The following OVCH1 variants were observed in gnomAD, a reference collection of about 807,000 sequenced individuals.
OVCH1 encodes the protein ovochymase-1.
A neutral mutation model predicts 138.4 loss-of-function variants in OVCH1; 139 were observed. The ratio of observed to expected loss-of-function variants is 1.00; its 90% CI spans 0.87 to 1.16. The LOEUF (loss-of-function observed/expected upper bound fraction) is 1.16, where lower values mean the gene tolerates loss of function less well. Among genes scored for constraint, OVCH1 ranks in the 50% most tolerant of loss-of-function variants. The pLI is 0.00. For synonymous variants in OVCH1, 453 were observed against 467.8 expected, an observed-to-expected ratio of 0.97 and a Z score of 0.41; for missense variants, 1,367 against 1,357.9, an observed-to-expected ratio of 1.01 and a Z score of -0.11.
chr12:29,491,107 C>T lies in OVCH1; in HGVS notation c.540G>A (p.Lys180=). 3 of 1,613,514 alleles carry T rather than the reference C, an allele frequency of 1.9e-6. No individual in the cohort carries two copies. In the East Asian group the frequency reaches 6.7e-5, roughly 36 times the overall value. Residue 180 remains lysine, a synonymous_variant, in exon 5 of 28, where the codon AAG becomes AAA. Coordinates refer to ENST00000318184, the Ensembl canonical transcript of OVCH1. ...TTTGGTGTCTCTTACTTTTGGAAAT[C>T]TTGCCCCATCCACTGGATAAGCAAA...
exon 4 of OVCH1, chr12:29,412,679 T>G (rs1324020319): frequency 6.6e-6 from 1 of 152,218 alleles, no homozygotes; most frequent in Non-Finnish European, 1.5e-5. Flanking sequence ...TAAAGTCAAT[T>G]TATTTTATCA....
intron 19 of OVCH1, among the ~76,000 whole-genome samples, chr12:29,455,618 G>A (rs1170121104): frequency 6.6e-6 from 1 of 151,994 alleles, no homozygotes; most frequent in Non-Finnish European, 1.5e-5. Context: ...TTGATTCCAG[G>A]GTGAAGATAA....
At chr12:29,471,776 G>A (rs1193793208) in intron 16 of OVCH1, 26 bp downstream of exon 16, 1 of 1,586,584 alleles carries the variant, frequency 6.3e-7, no homozygotes, top group Non-Finnish European at 8.6e-7. Flanking sequence ...TGCTAAATAG[G>A]TTGGTAAAAT....
At chr12:29,479,159 T>C (rs1019650669) in intron 8 of OVCH1, among the ~76,000 whole-genome samples, 191 bp from the exon 10 acceptor site, 5 of 152,214 alleles carry the variant, frequency 3.3e-5, no homozygotes. Context: ...GACAAATAGA[T>C]GAGTATTAAT....
chr12:29,468,370 G>A (rs1382156531), intron 16 of OVCH1, among the ~76,000 whole-genome samples: 1 of 152,262 alleles, frequency 6.6e-6, no homozygotes, highest in African/African-American at 2.4e-5. Context: ...TGACTAACAA[G>A]TGGCTCACAA....
chr12:29,467,105 A>G (rs1293940255), intron 16 of OVCH1, among the ~76,000 whole-genome samples: 1 of 152,118 alleles, frequency 6.6e-6, no homozygotes, highest in Non-Finnish European at 1.5e-5. Context: ...GTAGATGATA[A>G]TGACTCCATA....
At chr12:29,414,547 G>A (rs1172017348) in intron 3 of OVCH1, among the ~76,000 whole-genome samples, 1 of 152,146 alleles carries the variant, frequency 6.6e-6, no homozygotes, top group East Asian at 1.9e-4. Context: ...CATGAAGCAT[G>A]TACTTTAAAA....
chr12:29,405,726 A>G, the OVCH1 span, among the ~76,000 whole-genome samples: 1 of 152,244 alleles, frequency 6.6e-6, no homozygotes, highest in African/African-American at 2.4e-5. Context: ...ATAGAAGGAA[A>G]AAGTTTAGAA....
intron 22 of OVCH1, among the ~76,000 whole-genome samples, chr12:29,450,607 G>A (rs576784108): frequency 5.3e-5 from 8 of 152,260 alleles, no homozygotes; most frequent in East Asian, 1.9e-4. Context: ...ATACAGTGTC[G>A]CGATTCCTCA....
rs1252736421 is a variant in OVCH1, at chr12:29,443,360, C to T, written c.3157+1G>A. The T allele has an allele frequency of 6.2e-7, 1 of 1,608,472 alleles. No individual in the cohort carries two copies. The highest frequency in any genetic ancestry group is 8.5e-7 in the Non-Finnish European group (1 of 1,177,224). ...ATAGAGATTCATGGGAAATCAGTTA[C>T]CTATTAATTTTTTTCCTGGTCCAAA... On this transcript the variant is annotated splice_donor_variant, in intron 25 of 27. Coordinates refer to ENST00000318184, the Ensembl canonical transcript of OVCH1. LOFTEE classifies it high-confidence loss of function.
chr12:29,477,157 G>A, exon 12 of OVCH1: 3 of 1,613,398 alleles, frequency 1.9e-6, no homozygotes, highest in Non-Finnish European at 2.5e-6. Flanking sequence ...TGTGTTACTG[G>A]GATACAAATC....
rs186127270 is a variant in OVCH1 at position 29,473,281 on chromosome 12, G to A, written c.1601-178C>T. 2.6e-5 allele frequency among the ~76,000 whole-genome samples: 4 copies of A among 152,140 alleles called. No homozygotes were observed. In the East Asian group the frequency reaches 7.7e-4, roughly 29 times the overall value. On this transcript the variant is annotated intron_variant, in intron 14 of 27. Coordinates refer to ENST00000318184, the Ensembl canonical transcript of OVCH1. ...TTCTTGTATATCCGTTAATATCCCT[G>A]TTCCATCTGGCTCTTTTAAGCACTT...
At chr12:29,430,992 T>C (rs1941257835) in intron 27 of OVCH1, 1 of 465,954 alleles carries the variant, frequency 2.1e-6, no homozygotes, top group South Asian at 1.6e-5. Flanking sequence ...TATGATTGTA[T>C]TTAATTTTTC....
intron 3 of OVCH1, among the ~76,000 whole-genome samples, chr12:29,422,182 C>A (rs767126443): frequency 6.6e-6 from 1 of 151,932 alleles, no homozygotes; most frequent in South Asian, 2.1e-4. Context: ...TATTAGTATC[C>A]AACCTGCAAA....
chr12:29,407,755 T>C (rs917134201), downstream of OVCH1, among the ~76,000 whole-genome samples: 14 of 152,002 alleles, frequency 9.2e-5, no homozygotes, highest in African/African-American at 3.1e-4. Context: ...CCTCCAGCTT[T>C]GTTCTTTTGG....
chr12:29,483,974 C>T lies in OVCH1; in HGVS notation c.995+2272G>A, dbSNP rs116835740. 2.5e-3 allele frequency among the ~76,000 whole-genome samples: 388 copies of T among 152,274 alleles called. 3 individuals are homozygous for T. Among genetic ancestry groups the T allele is most frequent in the African/African-American group, 8.8e-3 (366 of 41,554 alleles). On this transcript the variant is annotated intron_variant, in intron 8 of 27. Coordinates refer to ENST00000318184, the Ensembl canonical transcript of OVCH1. Reference sequence around the variant, plus strand: ...TTCTTGGATGGTATGGATTATAAAGCTTATTTCCTCTTGTAGTATAGTTAT... The same window carrying T: ...TTCTTGGATGGTATGGATTATAAAGTTTATTTCCTCTTGTAGTATAGTTAT...
At position 29,477,236 on chromosome 12, in the gene OVCH1, T is replaced by A. The variant is rs543141899; in HGVS notation, c.1247-4A>T. 112 of 1,613,500 alleles carry A rather than the reference T, an allele frequency of 6.9e-5. No homozygotes were observed. In the South Asian group the frequency reaches 1.2e-3, roughly 17 times the overall value. ...GCCAGACTCCCACAACCTGACCCTG[T>A]GGAAGCATTGGGGAAATTCAAAGTG... On this transcript the variant is annotated splice_region_variant and splice_polypyrimidine_tract_variant and intron_variant, in intron 11 of 27. Transcript: ENST00000318184.
chr12:29,471,588 A>T (rs1052209542), intron 16 of OVCH1, among the ~76,000 whole-genome samples: 1 of 152,238 alleles, frequency 6.6e-6, no homozygotes, highest in Admixed American at 6.5e-5. Context: ...AAAATAAGAG[A>T]TCTATTTAAA....
chr12:29,419,192 T>C (rs960099856), intron 3 of OVCH1, among the ~76,000 whole-genome samples: 24 of 152,174 alleles, frequency 1.6e-4, no homozygotes, highest in Admixed American at 6.5e-5. Context: ...TTTTATTGTC[T>C]TGAATTCTTG....
Sources: allele counts gnomAD v4.1 joint callset (sites outside exome capture counted in the v4.1 genomes callset), GRCh38; gene constraint gnomAD v4.1.1; transcripts MANE v1.5; gene names NCBI Gene and HGNC (gene_info 2026-07-23, HGNC 2026-07-21).